CNTN3: variants seen among roughly 807,000 people sequenced by gnomAD.
CNTN3 encodes contactin-3.
A neutral mutation model predicts 119.1 loss-of-function variants in CNTN3; 60 were observed. The observed-to-expected ratio is 0.50, with a 90% confidence interval of 0.41 to 0.62. CNTN3 has a LOEUF of 0.62. CNTN3 is among the 20% of genes least tolerant of loss of function. CNTN3 has a pLI of 0.00. For synonymous variants in CNTN3, 450 were observed against 438.7 expected (o/e 1.03, Z -0.32); for missense variants, 1,101 against 1,242.4 (o/e 0.89, Z 1.71).
At chr3:74,385,434 G>C (rs1340617206) in intron 5 of CNTN3, among the ~76,000 whole-genome samples, 1 of 10,484 alleles carries the variant, frequency 9.5e-5, no homozygotes, top group East Asian at 2.9e-3. Context: ...TACTGTTTAA[G>C]GACACAAAAG....
At chr3:74,605,618 G>A (rs937128888) in intron 1 of CNTN3, among the ~76,000 whole-genome samples, 3 of 152,052 alleles carry the variant, frequency 2.0e-5, no homozygotes, top group African/African-American at 4.8e-5. Flanking sequence ...TGGGACTGAT[G>A]GCCTCACTCA....
chr3:74,581,575 T>C (rs912115539), intron 1 of CNTN3, among the ~76,000 whole-genome samples: 1 of 152,226 alleles, frequency 6.6e-6, no homozygotes, highest in African/African-American at 2.4e-5. Flanking sequence ...TTCAATTCAA[T>C]TCATTTCGAA....
intron 1 of CNTN3, among the ~76,000 whole-genome samples, chr3:74,558,826 A>G (rs1314310271): frequency 6.6e-6 from 1 of 151,962 alleles, no homozygotes; most frequent in Non-Finnish European, 1.5e-5. Flanking sequence ...TACTAAAAAT[A>G]CAAAAAAATT....
intron 5 of CNTN3, among the ~76,000 whole-genome samples, chr3:74,384,491 G>T (rs1704698940): frequency 6.6e-6 from 1 of 152,200 alleles, no homozygotes; most frequent in Non-Finnish European, 1.5e-5. Flanking sequence ...TAATCTGTTT[G>T]ATACAAATGC....
At chr3:74,553,298 G>A (rs947722483) in intron 1 of CNTN3, among the ~76,000 whole-genome samples, 1 of 152,176 alleles carries the variant, frequency 6.6e-6, no homozygotes, top group African/African-American at 2.4e-5. Context: ...GTATTCCGTG[G>A]TGTATATGTG....
intron 7 of CNTN3, 59 bp downstream of exon 7, chr3:74,369,830 C>A: frequency 1.1e-6 from 1 of 921,156 alleles, no homozygotes; most frequent in South Asian, 1.6e-5. Flanking sequence ...AAAAACCATC[C>A]TGATTTCTTA....
At chr3:74,444,689 T>G (rs935830614) in intron 4 of CNTN3, among the ~76,000 whole-genome samples, 3 of 152,178 alleles carry the variant, frequency 2.0e-5, no homozygotes, top group African/African-American at 7.2e-5. Context: ...AATTGTCAGT[T>G]TAATGAAGGT....
intron 1 of CNTN3, among the ~76,000 whole-genome samples, chr3:74,527,061 T>C (rs1703630829): frequency 6.6e-6 from 1 of 151,922 alleles, no homozygotes; most frequent in Non-Finnish European, 1.5e-5. Flanking sequence ...ATAGGAATCA[T>C]ATGTATATAT....
intron 19 of CNTN3, among the ~76,000 whole-genome samples, chr3:74,285,857 A>C (rs1702107284): frequency 7.1e-6 from 1 of 141,342 alleles, no homozygotes; most frequent in Admixed American, 7.2e-5. Flanking sequence ...AAATAGGAAC[A>C]AAGTGTTACC....
intron 4 of CNTN3, among the ~76,000 whole-genome samples, chr3:74,442,146 T>TACACACACACACACAC (rs567314995): frequency 1.9e-4 from 23 of 124,054 alleles, no homozygotes; most frequent in African/African-American, 6.4e-4. Flanking sequence ...TGCATGCAAG[T>TACACACACACACACAC]ACACACACAC....
intron 1 of CNTN3, among the ~76,000 whole-genome samples, chr3:74,565,926 A>G (rs903327232): frequency 5.9e-5 from 9 of 152,076 alleles, no homozygotes; most frequent in Non-Finnish European, 1.3e-4. Flanking sequence ...AGTCTTTTCC[A>G]TGCTGTTCTT....
chr3:74,416,435 C>CATAGCTTGTAATGAA (rs1278786043), intron 5 of CNTN3, among the ~76,000 whole-genome samples: 2 of 152,074 alleles, frequency 1.3e-5, no homozygotes, highest in Non-Finnish European at 2.9e-5. Context: ...TTCCAAATTC[C>CATAGCTTGTAATGAA]ATAGCTTGTA....
chr3:74,350,834 A>G (rs1332245742), intron 11 of CNTN3, among the ~76,000 whole-genome samples: 3 of 152,200 alleles, frequency 2.0e-5, no homozygotes, highest in Non-Finnish European at 4.4e-5. Context: ...AAAATAAAAA[A>G]AAAAGCACAT....
At chr3:74,512,715 A>AAAAAAAAAAAAAAAAT (rs1703390090) in intron 2 of CNTN3, among the ~76,000 whole-genome samples, 1 of 136,714 alleles carries the variant, frequency 7.3e-6, no homozygotes, top group East Asian at 2.2e-4. Context: ...AAAAAAAAAA[A>AAAAAAAAAAAAAAAAT]GAAAGAAAGA....
chr3:74,445,736 C>T (rs536810479), intron 4 of CNTN3, among the ~76,000 whole-genome samples: 1 of 152,156 alleles, frequency 6.6e-6, no homozygotes, highest in Non-Finnish European at 1.5e-5. Context: ...AGAATGTGCA[C>T]TATCATTAAG....
At chr3:74,517,329 C>T (rs1054977491) in intron 2 of CNTN3, among the ~76,000 whole-genome samples, 2 of 151,898 alleles carry the variant, frequency 1.3e-5, no homozygotes, top group Non-Finnish European at 2.9e-5. Context: ...TGTGAGCTGA[C>T]CAATTCTCCT....
intron 4 of CNTN3, among the ~76,000 whole-genome samples, chr3:74,447,637 G>T (rs1277320981): frequency 6.6e-6 from 1 of 152,124 alleles, no homozygotes; most frequent in Non-Finnish European, 1.5e-5. Context: ...TTTTCTTTCT[G>T]ATTTCAGTGA....
chr3:74,451,769 G>T (rs1702160625), intron 4 of CNTN3, among the ~76,000 whole-genome samples: 1 of 150,860 alleles, frequency 6.6e-6, no homozygotes, highest in Non-Finnish European at 1.5e-5. Context: ...TATTAAATAG[G>T]GAATCCTTTC....
chr3:74,545,116 T>A lies in CNTN3; in HGVS notation c.-80-23924A>T, dbSNP rs144448799. ...GGTTTAGGCAGGTTAATGTTTCAAA[T>A]ACCCTTTGGTATTAGTAAAAGTAAT... On this transcript the variant is annotated intron_variant, in intron 1 of 22. Transcript: ENST00000263665. Among the ~76,000 whole-genome samples the A allele has an allele frequency of 7.3e-3, 1,119 of 152,314 alleles. 11 individuals are homozygous for A. The highest frequency in any genetic ancestry group is 0.027 in the South Asian group (128 of 4,826).
Sources: allele counts gnomAD v4.1 joint callset (sites outside exome capture counted in the v4.1 genomes callset), GRCh38; gene constraint gnomAD v4.1.1; transcripts MANE v1.5; gene names NCBI Gene and HGNC (gene_info 2026-07-23, HGNC 2026-07-21).